Variants in AJAP1 observed in about 807,000 individuals in gnomAD.
AJAP1 encodes adherens junction-associated protein 1.
A neutral mutation model predicts 35.0 loss-of-function variants in AJAP1; 5 were observed. The observed-to-expected ratio is 0.14, with a 90% CI of 0.07 to 0.30. The LOEUF (loss-of-function observed/expected upper bound fraction) is 0.30. Among genes scored for constraint, AJAP1 ranks in the 10% least tolerant of loss-of-function variants. AJAP1 has a pLI of 1.00. For synonymous variants in AJAP1, 284 were observed against 249.3 expected (o/e 1.14, Z -1.31); for missense variants, 586 against 571.0 (o/e 1.03, Z -0.27).
intron 2 of AJAP1, among the ~76,000 whole-genome samples, chr1:4,721,319 A>G (rs549672555): frequency 1.3e-5 from 2 of 152,238 alleles, no homozygotes; most frequent in Non-Finnish European, 2.9e-5. Flanking sequence ...CTTCCGCCTG[A>G]AGCATCAGGA....
chr1:4,776,561 T>C (rs1641944425), intron 5 of AJAP1, among the ~76,000 whole-genome samples: 1 of 152,014 alleles, frequency 6.6e-6, no homozygotes, highest in African/African-American at 2.4e-5. Context: ...AATAAAAAGA[T>C]AAAATAGGGC....
chr1:4,737,019 T>C lies in AJAP1; in HGVS notation c.829+24320T>C, dbSNP rs894647437. 1.4e-3 allele frequency among the ~76,000 whole-genome samples: 208 copies of C among 152,228 alleles called. 1 individual carries two copies. The highest frequency in any genetic ancestry group is 4.7e-3 in the African/African-American group (197 of 41,548). On this transcript the variant is annotated intron_variant, in intron 2 of 5. Coordinates refer to ENST00000378191, the MANE Select transcript of AJAP1 (RefSeq NM_018836.4). ...CCAGCCATCATCTAGAGAAAAATGGTTGAATGAACTAGAGCAACTCTCTGA... is the reference window on the plus strand; with the variant it reads ...CCAGCCATCATCTAGAGAAAAATGGCTGAATGAACTAGAGCAACTCTCTGA...
At chr1:4,705,394 G>GGTT (rs1557617041) in intron 1 of AJAP1, among the ~76,000 whole-genome samples, 1 of 66,918 alleles carries the variant, frequency 1.5e-5, no homozygotes, top group Non-Finnish European at 2.9e-5. Context: ...GTTTTGAAGA[G>GGTT]CTTTTTTTTT....
rs968884133 is a variant in AJAP1 at position 4,709,049 on chromosome 1, G to A, written c.30-2851G>A. ...GGGGTTTCTATAGTAACCAATTACA[G>A]CCATGATTGGTGAAAAATCACAGAA... is the stretch of plus-strand genomic sequence containing the variant. On this transcript the variant is annotated intron_variant, in intron 1 of 5. Coordinates refer to ENST00000378191, the MANE Select transcript of AJAP1 (RefSeq NM_018836.4). Among the ~76,000 whole-genome samples, 15 of 152,242 alleles carry A rather than the reference G, an allele frequency of 9.9e-5. 1 individual carries two copies.
chr1:4,725,401 G>A (rs562906928), intron 2 of AJAP1, among the ~76,000 whole-genome samples: 3 of 152,216 alleles, frequency 2.0e-5, no homozygotes, highest in South Asian at 4.2e-4. Flanking sequence ...TGGAGCTCAC[G>A]GGCAGGGCTG....
rs72639923 is a variant in AJAP1 at position 4,766,692 on chromosome 1, G to C, written c.830-3161G>C. Among the ~76,000 whole-genome samples, 686 of 152,292 alleles carry C rather than the reference G, an allele frequency of 4.5e-3. 3 individuals are homozygous for C. Among genetic ancestry groups the C allele is most frequent in the African/African-American group, 0.014 (568 of 41,554 alleles). ...TACTTTGCAAGAAAAGTCTGTGCAG[G>C]GTTTGGTAAACTGTTGATCTTGAAC... On this transcript the variant is annotated intron_variant, in intron 2 of 5. Transcript: ENST00000378191.
intron 2 of AJAP1, among the ~76,000 whole-genome samples, chr1:4,713,221 G>A (rs1640308354): frequency 6.6e-6 from 1 of 152,234 alleles, no homozygotes; most frequent in Non-Finnish European, 1.5e-5. Flanking sequence ...ATTAGGAATG[G>A]CCTTAAATAG....
Position 4,717,495 on chromosome 1 carries a change from A to G in AJAP1, c.829+4796A>G, listed in dbSNP as rs560274044. On this transcript the variant is annotated intron_variant, in intron 2 of 5. Coordinates refer to ENST00000378191, the MANE Select transcript of AJAP1 (RefSeq NM_018836.4). ...AATCAGTCACGTATTCGTGACATCC[A>G]GCAGCTCAAGGATGAGATGGCTCAG... Among the ~76,000 whole-genome samples, 8 of 152,324 alleles carry G rather than the reference A, an allele frequency of 5.3e-5. No individual in the cohort carries two copies. In the East Asian group the frequency reaches 1.5e-3, roughly 29 times the overall value.
intron 1 of AJAP1, among the ~76,000 whole-genome samples, chr1:4,710,685 G>A (rs138824021): frequency 2.0e-5 from 3 of 152,358 alleles, no homozygotes; most frequent in African/African-American, 4.8e-5. Flanking sequence ...TTACAGTTTT[G>A]GGATTCATTT....
chr1:4,667,542 A>G (rs533155230), intron 1 of AJAP1, among the ~76,000 whole-genome samples: 74 of 152,280 alleles, frequency 4.9e-4, no homozygotes, highest in African/African-American at 1.7e-3. Context: ...GGAGTGCACA[A>G]CCTAGATCCC....
intron 1 of AJAP1, among the ~76,000 whole-genome samples, chr1:4,686,821 C>CATG (rs985633964): frequency 1.3e-5 from 2 of 152,232 alleles, no homozygotes; most frequent in African/African-American, 4.8e-5. Context: ...GCAAAAGCTG[C>CATG]ATGCCCTCCA....
intron 1 of AJAP1, among the ~76,000 whole-genome samples, chr1:4,667,780 G>C (rs951046187): frequency 1.3e-5 from 2 of 152,116 alleles, no homozygotes; most frequent in African/African-American, 4.8e-5. Context: ...TGAAGTCATC[G>C]TCCCACCCAA....
intron 2 of AJAP1, among the ~76,000 whole-genome samples, chr1:4,716,842 C>G (rs943955544): frequency 6.6e-6 from 1 of 152,154 alleles, no homozygotes; most frequent in African/African-American, 2.4e-5. Context: ...CTTTACTGCT[C>G]TATTGAGGGG....
rs141333221 is a variant in AJAP1, at chr1:4,712,449, G to A, written c.579G>A (p.Glu193=). 3.7e-4 allele frequency: 590 copies of A among 1,610,500 alleles called. 1 individual carries two copies. The highest frequency in any genetic ancestry group is 4.9e-4 in the Non-Finnish European group (577 of 1,178,760). Residue 193 remains glutamate, a synonymous_variant, in exon 2 of 6, where the codon GAG becomes GAA. Coordinates refer to ENST00000378191, the MANE Select transcript of AJAP1 (RefSeq NM_018836.4). ...CCACGGGGGACGAGGAGGCCCTGGA[G>A]TCCAACACATTTCCGGGCGTTTACG... ...WGPTGDEEAL[E]SNTFPGVYGP...
intron 1 of AJAP1, among the ~76,000 whole-genome samples, chr1:4,706,188 C>T (rs1228921385): frequency 2.6e-5 from 4 of 152,168 alleles, no homozygotes; most frequent in Admixed American, 2.6e-4. Context: ...CACAAAAGAG[C>T]ATGGACTCAC....
chr1:4,734,359 C>T lies in AJAP1; in HGVS notation c.829+21660C>T, dbSNP rs1640871281. On this transcript the variant is annotated intron_variant, in intron 2 of 5. Coordinates refer to ENST00000378191, the MANE Select transcript of AJAP1 (RefSeq NM_018836.4). This position sits in a 1 kb window ranked among gnomAD's most constrained non-coding sequence, Gnocchi z 4.3. ...TAAATCTCATAAGGCCCACAGGACA[C>T]ACGTCCTGGGAAGAAGGCATTCCTC... is the stretch of plus-strand genomic sequence containing the variant. Among the ~76,000 whole-genome samples, 2 of 152,178 alleles carry T rather than the reference C, an allele frequency of 1.3e-5. 1 individual carries two copies. The highest frequency in any genetic ancestry group is 2.9e-5 in the Non-Finnish European group (2 of 68,036).
At chr1:4,755,580 G>A (rs1302223054) in intron 2 of AJAP1, among the ~76,000 whole-genome samples, 1 of 152,086 alleles carries the variant, frequency 6.6e-6, no homozygotes, top group Non-Finnish European at 1.5e-5. Context: ...CTAGTACCGG[G>A]GGTTTGACTC....
intron 1 of AJAP1, among the ~76,000 whole-genome samples, chr1:4,691,983 G>C (rs1258027917): frequency 6.6e-6 from 1 of 152,154 alleles, no homozygotes; most frequent in Non-Finnish European, 1.5e-5. Flanking sequence ...CAGACGTGGG[G>C]TGGGGACGGG....
At chr1:4,765,692 C>T (rs1020796163) in intron 2 of AJAP1, among the ~76,000 whole-genome samples, 1 of 152,158 alleles carries the variant, frequency 6.6e-6, no homozygotes, top group Admixed American at 6.5e-5. Flanking sequence ...ATAGACATGG[C>T]TGAAATAGTT....
Sources: gnomAD v4.1 joint callset for allele counts (sites outside exome capture counted in the v4.1 genomes callset) on GRCh38, gnomAD v4.1.1 for gene constraint, Gnocchi (gnomAD v3.1) non-coding constraint, MANE v1.5 for transcripts, NCBI Gene and HGNC (gene_info 2026-07-23, HGNC 2026-07-21) for gene names.